The following TIMM17A variants were observed in gnomAD, a reference collection of about 807,000 sequenced individuals.
TIMM17A encodes the protein translocase of inner mitochondrial membrane 17A, also known as mitochondrial import inner membrane translocase subunit Tim17-A.
TIMM17A carries 15 observed loss-of-function variants against 26.5 expected under a neutral mutation model. The observed-to-expected ratio is 0.57, with a 90% confidence interval of 0.38 to 0.87. The LOEUF (loss-of-function observed/expected upper bound fraction) is 0.87. Among genes scored for constraint, TIMM17A ranks in the 40% least tolerant of loss-of-function variants. The pLI is 0.00. For missense variants in TIMM17A, 201 were observed against 210.0 expected (o/e 0.96, Z 0.27); for synonymous variants, 80 against 70.8 (o/e 1.13, Z -0.66).
At chr1:201,963,464 T>G (rs184034065) in intron 3 of TIMM17A, 152 bp from the exon 4 acceptor site, 7 of 726,254 alleles carry the variant, frequency 9.6e-6, no homozygotes, top group Non-Finnish European at 1.6e-5. Context: ...GTATTCTAAC[T>G]CTTGTTCGGT....
At chr1:201,957,787 C>T in intron 3 of TIMM17A, 1 of 480,910 alleles carries the variant, frequency 2.1e-6, no homozygotes, top group South Asian at 3.1e-5. Flanking sequence ...CTCTGTCCTT[C>T]AGACACTCGG....
At chr1:201,958,928 C>G (rs985795055) in intron 3 of TIMM17A, among the ~76,000 whole-genome samples, 1 of 152,016 alleles carries the variant, frequency 6.6e-6, no homozygotes, top group Non-Finnish European at 1.5e-5. Context: ...TATCTTTTTC[C>G]TTTGTTCCCT....
At chr1:201,969,034 G>C (rs1417308155) in intron 5 of TIMM17A, among the ~76,000 whole-genome samples, 1 of 151,956 alleles carries the variant, frequency 6.6e-6, no homozygotes, top group Admixed American at 6.6e-5. Context: ...ATATAAATTG[G>C]ATTACCAAGT....
At chr1:201,958,428 C>T (rs570201292) in intron 3 of TIMM17A, among the ~76,000 whole-genome samples, 8 of 152,330 alleles carry the variant, frequency 5.3e-5, no homozygotes, top group Non-Finnish European at 7.4e-5. Context: ...CAGGGTTGGG[C>T]GCAATGGCTC....
intron 4 of TIMM17A, among the ~76,000 whole-genome samples, chr1:201,964,385 T>C (rs1258109410): frequency 2.0e-5 from 3 of 152,140 alleles, no homozygotes; most frequent in African/African-American, 7.2e-5. Context: ...AATAAGGAAC[T>C]TAGAACCATC....
Position 201,957,364 on chromosome 1 carries a change from T to C in TIMM17A, c.110T>C (p.Phe37Ser), listed in dbSNP as rs750652439. 3.1e-6 allele frequency: 5 copies of C among 1,613,868 alleles called. No individual in the cohort carries two copies. The highest frequency in any genetic ancestry group is 4.2e-6 in the Non-Finnish European group (5 of 1,179,726). The stretch of plus-strand genomic sequence containing the variant: ...GGTATCTTTCAAGCAATCAAAGGTT[T>C]TCGCAATTCTCCAGTGGTAAGTGGG... ...GGGIFQAIKG[F>S]RNSPVGVNHR... The change falls in exon 2 of 6, where the codon TTT (phenylalanine) becomes TCT (serine). Residue 37 changes from phenylalanine to serine, a missense_variant. Phe to Ser is a radical substitution (Grantham distance 155, BLOSUM62 -2). Coordinates refer to ENST00000367287, the MANE Select transcript of TIMM17A (RefSeq NM_006335.3).
At position 201,955,510 on chromosome 1, in the gene TIMM17A, G is replaced by A. The variant is rs773578063; in HGVS notation, c.-17G>A. 6.2e-7 allele frequency: 1 copy of A among 1,614,242 alleles called. No individual in the cohort carries two copies. ...CCGCCCAGCTTGCCCGGCATCACTC[G>A]CGGCATTGGAGTCAAGATGGAGGAG... On this transcript the variant is annotated 5_prime_UTR_variant, in exon 1 of 6. Coordinates refer to ENST00000367287, the MANE Select transcript of TIMM17A (RefSeq NM_006335.3).
chr1:201,965,429 T>G lies in TIMM17A; in HGVS notation c.320-4T>G, dbSNP rs752430846. 1.3e-6 allele frequency: 2 copies of G among 1,590,084 alleles called. No individual in the cohort carries two copies. Among genetic ancestry groups the G allele is most frequent in the Admixed American group, 3.3e-5 (2 of 59,974 alleles). ...AATAATCTCTTTGTTATTAATGTCTTCAGATGGACCAGTGGCCATGGTTGG... is the reference window on the plus strand; with the variant it reads ...AATAATCTCTTTGTTATTAATGTCTGCAGATGGACCAGTGGCCATGGTTGG... On this transcript the variant is annotated splice_polypyrimidine_tract_variant and splice_region_variant and intron_variant, in intron 4 of 5. Coordinates refer to ENST00000367287, the MANE Select transcript of TIMM17A (RefSeq NM_006335.3).
rs192947323 is a variant in TIMM17A, at chr1:201,961,152, A to G, written c.191-2464A>G. Among the ~76,000 whole-genome samples the G allele has an allele frequency of 3.3e-3, 485 of 144,942 alleles. 5 individuals are homozygous for G. Among genetic ancestry groups the G allele is most frequent in the Middle Eastern group, 0.011 (3 of 266 alleles). ...GCGGTCTCGGCTCACGTCAACTTCC[A>G]TCTGTCCGGTTCAAGCGATTGTCCA... On this transcript the variant is annotated intron_variant, in intron 3 of 5. Transcript: ENST00000367287.
chr1:201,964,865 G>A (rs1024506401), intron 4 of TIMM17A, among the ~76,000 whole-genome samples: 1 of 151,384 alleles, frequency 6.6e-6, no homozygotes. Context: ...AGCCAGGATG[G>A]TCTCGATCTC....
intron 4 of TIMM17A, among the ~76,000 whole-genome samples, chr1:201,964,653 T>A (rs1295746017): frequency 3.1e-5 from 4 of 129,698 alleles, no homozygotes; most frequent in Non-Finnish European, 4.8e-5. Context: ...TTTTTTTTTT[T>A]TTTTTTTTTT....
chr1:201,956,337 C>A (rs1682408334), intron 1 of TIMM17A, among the ~76,000 whole-genome samples: 1 of 152,154 alleles, frequency 6.6e-6, no homozygotes, highest in Non-Finnish European at 1.5e-5. Context: ...AAAATCAAAT[C>A]TTGATATTTC....
At chr1:201,955,590 C>A in intron 1 of TIMM17A, 38 bp downstream of exon 1, 4 of 1,614,036 alleles carry the variant, frequency 2.5e-6, no homozygotes, top group Non-Finnish European at 3.4e-6. Context: ...CTCTTGCCCC[C>A]CTGCCCACTG....
intron 3 of TIMM17A, among the ~76,000 whole-genome samples, chr1:201,960,390 ACT>A (rs919698726): frequency 4.0e-5 from 6 of 150,132 alleles, no homozygotes; most frequent in Admixed American, 6.7e-5. Context: ...ACAGAGCAAG[ACT>A]CTGTCTCAAA....
At position 201,969,601 on chromosome 1, in the gene TIMM17A, A is replaced by C; in HGVS notation, c.*47A>C. On this transcript the variant is annotated 3_prime_UTR_variant, in exon 6 of 6. Coordinates refer to ENST00000367287, the MANE Select transcript of TIMM17A (RefSeq NM_006335.3). Reference sequence around the variant, plus strand: ...TTAACAGAACGAGTTGTGGTTCGAGAAGGATTTCAGAAGATCAAGTTACAG... The same window carrying C: ...TTAACAGAACGAGTTGTGGTTCGAGCAGGATTTCAGAAGATCAAGTTACAG... 6.6e-7 allele frequency: 1 copy of C among 1,508,092 alleles called. No individual in the cohort carries two copies. The highest frequency in any genetic ancestry group is 9.2e-7 in the Non-Finnish European group (1 of 1,084,782). The allele number at this position is 1,508,092 out of a possible 1,614,324, so 93.4% of individuals were successfully genotyped here.
chr1:201,964,730 G>A (rs1161669345), intron 4 of TIMM17A, among the ~76,000 whole-genome samples: 1 of 125,366 alleles, frequency 8.0e-6, no homozygotes, highest in African/African-American at 3.1e-5. Flanking sequence ...CTCACTGCAA[G>A]CTCTGCCTCC....
intron 4 of TIMM17A, 45 bp from the exon 5 acceptor site, chr1:201,965,388 C>G: frequency 7.4e-7 from 1 of 1,355,122 alleles, no homozygotes; most frequent in Non-Finnish European, 1.1e-6. Flanking sequence ...TTACAGTAAA[C>G]TAGATTTCTG....
chr1:201,960,362 T>G (rs1682503024), intron 3 of TIMM17A, among the ~76,000 whole-genome samples: 2 of 151,866 alleles, frequency 1.3e-5, no homozygotes, highest in Admixed American at 1.3e-4. Flanking sequence ...ATTGTGCCAT[T>G]GCACTCTAGC....
intron 5 of TIMM17A, among the ~76,000 whole-genome samples, chr1:201,967,925 C>G (rs868182481): frequency 6.6e-6 from 1 of 152,018 alleles, no homozygotes; most frequent in South Asian, 2.1e-4. Flanking sequence ...AGATGTGTTT[C>G]TGAAAAGCTG....
Sources: gnomAD v4.1 joint callset for allele counts (sites outside exome capture counted in the v4.1 genomes callset) on GRCh38, gnomAD v4.1.1 for gene constraint, MANE v1.5 for transcripts, NCBI Gene and HGNC (gene_info 2026-07-23, HGNC 2026-07-21) for gene names.